FMNL1: variants seen among roughly 807,000 people sequenced by gnomAD.
FMNL1 encodes the protein formin like 1, also known as formin-like protein 1.
A neutral mutation model predicts 121.3 loss-of-function variants in FMNL1; 43 were observed. The observed-to-expected ratio is 0.35, with a 90% confidence interval of 0.28 to 0.46. The LOEUF (loss-of-function observed/expected upper bound fraction) is 0.46. Ranked by LOEUF, FMNL1 falls within the 20% of genes least tolerant of loss-of-function variation. The pLI is 1.00. For missense variants in FMNL1, 1,191 were observed against 1,482.4 expected, an observed-to-expected ratio of 0.80 and a Z score of 3.23; for synonymous variants, 613 against 613.5, an observed-to-expected ratio of 1.00 and a Z score of 0.01.
In FMNL1 at chr17:45,236,260, TG is replaced by T. The variant is rs1326562725; in HGVS notation, c.723+19del. On this transcript the variant is annotated intron_variant, in intron 7 of 26. Coordinates refer to ENST00000331495, the MANE Select transcript of FMNL1 (RefSeq NM_005892.4). ...GAACTACCAGGTCAGCCGAGGGGCA[TG>T]GGACTGGCGACTAGGGAGCCCAGCC... 6 of 1,609,184 alleles carry T rather than the reference TG, an allele frequency of 3.7e-6. No individual in the cohort carries two copies. The East Asian group carries it at 1.3e-4, about 36-fold the overall frequency.
In FMNL1 at chr17:45,241,568, G is replaced by A; in HGVS notation, c.1519G>A (p.Ala507Thr). 1 of 1,567,394 alleles carries A rather than the reference G, an allele frequency of 6.4e-7. No homozygotes were observed. ...TGTCTCCATCGAGATCCTCCCCGTC[G>A]CTGTGGCAACTCCGAGCGGCGGTGA... The part of the protein sequence containing the change: ...DAVSIEILPV[A>T]VATPSGGDAP... Residue 507 changes from alanine (A) to threonine (T), a missense_variant, in exon 14 of 27, where the codon GCT becomes ACT. Coordinates refer to ENST00000331495, the MANE Select transcript of FMNL1 (RefSeq NM_005892.4). The surrounding 1 kb of genome is among the most constrained non-coding windows in gnomAD (Gnocchi z 7.0).
chr17:45,233,943 C>G lies in FMNL1; in HGVS notation c.486-129C>G. ...TCCACCACTATGTTCAGCACAGTGC[C>G]AAGAACACAGCCTCCTCCTCCTGCT... On this transcript the variant is annotated intron_variant, in intron 5 of 26. Transcript: ENST00000331495. This position sits in a 1 kb window ranked among gnomAD's most constrained non-coding sequence, Gnocchi z 4.1. The G allele has an allele frequency of 1.4e-6, 2 of 1,415,846 alleles. No homozygotes were observed. The highest frequency in any genetic ancestry group is 1.4e-5 in the South Asian group (1 of 71,746). 87.7% of individuals were successfully genotyped at this position (1,415,846 alleles called of 1,614,324 possible). A position where few individuals can be genotyped will look rare whatever the true frequency, so the allele number is the denominator to read the frequency against.
At position 45,246,385 on chromosome 17, in the gene FMNL1, T is replaced by C. The variant is rs1424766480; in HGVS notation, c.3211+55T>C. On this transcript the variant is annotated intron_variant, in intron 25 of 26. Coordinates refer to ENST00000331495, the MANE Select transcript of FMNL1 (RefSeq NM_005892.4). The stretch of plus-strand genomic sequence containing the variant: ...CCTCAGTCTGTCCTTCTATGCTTTC[T>C]TCTGACCCAATGCGCTATCCTCTGG... 4 of 1,614,104 alleles carry C rather than the reference T, an allele frequency of 2.5e-6. No homozygotes were observed. In the South Asian group the frequency reaches 3.3e-5, roughly 13 times the overall value.
intron 1 of FMNL1, among the ~76,000 whole-genome samples, 196 bp downstream of exon 1, chr17:45,222,449 C>T (rs1487388010): frequency 6.6e-6 from 1 of 152,106 alleles, no homozygotes; most frequent in Admixed American, 6.5e-5. Flanking sequence ...CCAAAACTTT[C>T]TTCAGTTATC....
rs770077080 is a variant in FMNL1 at position 45,246,153 on chromosome 17, T to G, written c.3091-57T>G. On this transcript the variant is annotated intron_variant, in intron 24 of 26. Coordinates refer to ENST00000331495, the MANE Select transcript of FMNL1 (RefSeq NM_005892.4). ...TTGCTGTGGGGGACCAGGCAGATAT[T>G]CCAGGGTTTTGGTGATGGGGAGGCA... The G allele has an allele frequency of 3.2e-6, 5 of 1,567,544 alleles. No homozygotes were observed. The South Asian group carries it at 3.6e-5, about 11-fold the overall frequency.
Position 45,231,782 on chromosome 17 carries a change from C to T in FMNL1, c.214-585C>T, listed in dbSNP as rs557997882. ...GCAGGGCGGCTGGGTCCGAGTCCTACCCAGGTGCTGGGTCCCCTTCACGAG... is the reference window on the plus strand; with the variant it reads ...GCAGGGCGGCTGGGTCCGAGTCCTATCCAGGTGCTGGGTCCCCTTCACGAG... On this transcript the variant is annotated intron_variant, in intron 2 of 26. Coordinates refer to ENST00000331495, the MANE Select transcript of FMNL1 (RefSeq NM_005892.4). This position sits in a 1 kb window ranked among gnomAD's most constrained non-coding sequence, Gnocchi z 4.7. Among the ~76,000 whole-genome samples, 5 of 152,154 alleles carry T rather than the reference C, an allele frequency of 3.3e-5. No individual in the cohort carries two copies. The highest frequency in any genetic ancestry group is 7.4e-5 in the Non-Finnish European group (5 of 68,012).
intron 1 of FMNL1, among the ~76,000 whole-genome samples, chr17:45,229,058 C>T (rs576816287): frequency 6.6e-5 from 10 of 152,352 alleles, no homozygotes; most frequent in African/African-American, 2.4e-4. Flanking sequence ...GTTCCCCCAC[C>T]CCCTGCCCCT....
At chr17:45,225,384 G>A (rs2043308329) in intron 1 of FMNL1, among the ~76,000 whole-genome samples, 1 of 152,248 alleles carries the variant, frequency 6.6e-6, no homozygotes, top group Non-Finnish European at 1.5e-5. Flanking sequence ...GGCAGATGAA[G>A]TGTGGGGACC....
chr17:45,238,398 G>A (rs1416429372), intron 9 of FMNL1, 166 bp from the exon 10 acceptor site: 1 of 649,770 alleles, frequency 1.5e-6, no homozygotes, highest in African/African-American at 1.8e-5. Flanking sequence ...GAAAAAGTGA[G>A]GGAGAGTGGG....
At position 45,233,816 on chromosome 17, in the gene FMNL1, T is replaced by C. The variant is rs1260989169; in HGVS notation, c.485+85T>C. 5 of 1,535,490 alleles carry C rather than the reference T, an allele frequency of 3.3e-6. No individual in the cohort carries two copies. The highest frequency in any genetic ancestry group is 4.4e-6 in the Non-Finnish European group (5 of 1,126,946). ...GCATCTCACCCACTCCCCTGGCCAG[T>C]TTCAAGCCAGGCAGCCCGAGCCTAC... On this transcript the variant is annotated intron_variant, in intron 5 of 26. Coordinates refer to ENST00000331495, the MANE Select transcript of FMNL1 (RefSeq NM_005892.4). The surrounding 1 kb of genome is among the most constrained non-coding windows in gnomAD (Gnocchi z 4.1).
chr17:45,227,494 G>A (rs1287803924), intron 1 of FMNL1, among the ~76,000 whole-genome samples: 1 of 152,084 alleles, frequency 6.6e-6, no homozygotes, highest in Admixed American at 6.5e-5. Flanking sequence ...TCCTTTTCTC[G>A]GCCACACCCT....
In FMNL1 at chr17:45,233,866, A is replaced by G. The variant is rs965028306; in HGVS notation, c.485+135A>G. ...CCCTGGAACCCTCCACTTGGCCTTG[A>G]GCGATGCTCCTTCCAGAAGGCCTGC... On this transcript the variant is annotated intron_variant, in intron 5 of 26. Coordinates refer to ENST00000331495, the MANE Select transcript of FMNL1 (RefSeq NM_005892.4). The surrounding 1 kb of genome is among the most constrained non-coding windows in gnomAD (Gnocchi z 4.1). The G allele has an allele frequency of 7.4e-7, 1 of 1,359,202 alleles. No individual in the cohort carries two copies. The highest frequency in any genetic ancestry group is 1.5e-5 in the African/African-American group (1 of 68,768). 84.2% of individuals were successfully genotyped at this position (1,359,202 alleles called of 1,614,324 possible). A position where few individuals can be genotyped will look rare whatever the true frequency, so the allele number is the denominator to read the frequency against.
chr17:45,233,864 T>A lies in FMNL1; in HGVS notation c.485+133T>A. The A allele has an allele frequency of 7.3e-7, 1 of 1,365,482 alleles. No homozygotes were observed. Among genetic ancestry groups the A allele is most frequent in the Non-Finnish European group, 9.9e-7 (1 of 1,006,292 alleles). 84.6% of individuals were successfully genotyped at this position (1,365,482 alleles called of 1,614,324 possible). ...TACCCTGGAACCCTCCACTTGGCCT[T>A]GAGCGATGCTCCTTCCAGAAGGCCT... On this transcript the variant is annotated intron_variant, in intron 5 of 26. Coordinates refer to ENST00000331495, the MANE Select transcript of FMNL1 (RefSeq NM_005892.4). This position sits in a 1 kb window ranked among gnomAD's most constrained non-coding sequence, Gnocchi z 4.1.
In FMNL1 at chr17:45,222,107, G is replaced by A. The variant is rs1194430216; in HGVS notation, c.-18G>A. Reference sequence around the variant, plus strand: ...TTTCCGAGGCTGGAGGCGCCTGGCCGGCTGGGTGGGGACCACCATGGGCAA... The same window carrying A: ...TTTCCGAGGCTGGAGGCGCCTGGCCAGCTGGGTGGGGACCACCATGGGCAA... On this transcript the variant is annotated 5_prime_UTR_variant, in exon 1 of 27. Transcript: ENST00000331495. 4 of 1,148,936 alleles carry A rather than the reference G, an allele frequency of 3.5e-6. No individual in the cohort carries two copies. Among genetic ancestry groups the A allele is most frequent in the Admixed American group, 4.8e-5 (1 of 20,814 alleles). The allele number at this position is 1,148,936 out of a possible 1,614,324, so 71.2% of individuals were successfully genotyped here.
rs1202107686 is a variant in FMNL1 at position 45,231,514 on chromosome 17, TC to T, written c.213+828del. On this transcript the variant is annotated intron_variant, in intron 2 of 26. Coordinates refer to ENST00000331495, the MANE Select transcript of FMNL1 (RefSeq NM_005892.4). This position sits in a 1 kb window ranked among gnomAD's most constrained non-coding sequence, Gnocchi z 4.7. ...CTGGTAGGGGTCCCCTTGGAGCAGC[TC>T]AGCCTGACATCTCAGAGGTTGGGGG... 1.3e-5 allele frequency: 2 copies of T among 152,430 alleles called. No homozygotes were observed. The highest frequency in any genetic ancestry group is 2.9e-5 in the Non-Finnish European group (2 of 68,294). The allele number at this position is 152,430 out of a possible 1,614,324, so 9.4% of individuals were successfully genotyped here.
In FMNL1 at chr17:45,241,606, G is replaced by C. The variant is rs748775191; in HGVS notation, c.1557G>C (p.Pro519=). The change falls in exon 14 of 27, where the codon CCG becomes CCC. Residue 519 remains proline, a synonymous_variant. Coordinates refer to ENST00000331495, the MANE Select transcript of FMNL1 (RefSeq NM_005892.4). The surrounding 1 kb of genome is among the most constrained non-coding windows in gnomAD (Gnocchi z 7.0). ...ATPSGGDAPT[P]GVPTGSPSPD... is the part of the protein sequence containing the mutation. ...CGAGCGGCGGTGATGCTCCGACTCCGGGGGTGCCGACCGGCTCCCCCAGCC... is the reference window on the plus strand; with the variant it reads ...CGAGCGGCGGTGATGCTCCGACTCCCGGGGTGCCGACCGGCTCCCCCAGCC... The C allele has an allele frequency of 1.3e-5, 20 of 1,533,462 alleles. No individual in the cohort carries two copies. In the East Asian group the frequency reaches 3.3e-4, roughly 25 times the overall value. The allele number at this position is 1,533,462 out of a possible 1,614,324, so 95.0% of individuals were successfully genotyped here.
At chr17:45,230,943 C>T (rs893888646) in intron 2 of FMNL1, among the ~76,000 whole-genome samples, 3 of 150,910 alleles carry the variant, frequency 2.0e-5, no homozygotes, top group African/African-American at 7.5e-5. Flanking sequence ...AGAGCTGGTT[C>T]AGGCTGGGGC....
At chr17:45,236,461 T>A (rs2043552155) in intron 7 of FMNL1, 2 of 461,416 alleles carry the variant, frequency 4.3e-6, no homozygotes, top group Non-Finnish European at 7.6e-6. Flanking sequence ...TGAGTACCCC[T>A]GCCCATGGCT....
At chr17:45,235,641 T>G (rs530577718) in intron 6 of FMNL1, among the ~76,000 whole-genome samples, 1 of 152,310 alleles carries the variant, frequency 6.6e-6, no homozygotes, top group African/African-American at 2.4e-5. Context: ...TGCCAGGCAC[T>G]GTTCTAAGCC....
Sources: gnomAD v4.1 joint callset for allele counts (sites outside exome capture counted in the v4.1 genomes callset) on GRCh38, gnomAD v4.1.1 for gene constraint, Gnocchi (gnomAD v3.1) non-coding constraint, MANE v1.5 for transcripts, NCBI Gene and HGNC (gene_info 2026-07-23, HGNC 2026-07-21) for gene names.